Variants in KAZN observed in about 807,000 individuals in gnomAD.
KAZN encodes the protein kazrin.
In KAZN, 40 loss-of-function variants were observed where a neutral mutation model predicts 87.4. That is an observed-to-expected ratio of 0.46 (90% CI 0.36 to 0.60). The LOEUF (loss-of-function observed/expected upper bound fraction) is 0.60. Among genes scored for constraint, KAZN ranks in the 20% least tolerant of loss-of-function variants. KAZN has a pLI of 0.00. For missense variants in KAZN, 898 were observed against 1,073.9 expected, an observed-to-expected ratio of 0.84 and a Z score of 2.29; for synonymous variants, 466 against 458.3, an observed-to-expected ratio of 1.02 and a Z score of -0.22.
At chr1:14,304,317 TAAAGG>T (rs1654769258) in intron 2 of KAZN, among the ~76,000 whole-genome samples, 1 of 152,168 alleles carries the variant, frequency 6.6e-6, no homozygotes, top group Non-Finnish European at 1.5e-5. Flanking sequence ...TTCAAAAACT[TAAAGG>T]GAAGGGTTTT....
chr1:15,103,605 T>G, intron 12 of KAZN, 145 bp downstream of exon 12: 1 of 669,888 alleles, frequency 1.5e-6, no homozygotes, highest in Non-Finnish European at 2.7e-6. Context: ...CAAATTAATA[T>G]CCCCTTTGTG....
intron 1 of KAZN, among the ~76,000 whole-genome samples, chr1:14,676,027 C>T (rs1484046044): frequency 6.6e-6 from 1 of 151,840 alleles, no homozygotes; most frequent in African/African-American, 2.4e-5. Context: ...GAGATGCTGA[C>T]CGGACGTGTT....
At chr1:14,535,993 C>T (rs183993008) in intron 2 of KAZN, among the ~76,000 whole-genome samples, 3 of 152,276 alleles carry the variant, frequency 2.0e-5, no homozygotes, top group Admixed American at 2.0e-4. Flanking sequence ...CTCTCTGGGG[C>T]AGCCAAAGCA....
At chr1:14,556,146 T>C (rs1673857972) in intron 2 of KAZN, among the ~76,000 whole-genome samples, 1 of 150,280 alleles carries the variant, frequency 6.7e-6, no homozygotes, top group Admixed American at 6.7e-5. Flanking sequence ...AGTCTCACTC[T>C]GTCCCCAGGC....
At chr1:14,665,713 C>G (rs1055565536) in intron 1 of KAZN, among the ~76,000 whole-genome samples, 1 of 152,120 alleles carries the variant, frequency 6.6e-6, no homozygotes, top group Admixed American at 6.5e-5. Context: ...AGAGAAAGCC[C>G]GGAGACCATT....
chr1:14,663,041 G>A (rs530743914), intron 1 of KAZN, among the ~76,000 whole-genome samples: 59 of 151,220 alleles, frequency 3.9e-4, no homozygotes, highest in Non-Finnish European at 7.7e-4. Flanking sequence ...CACAATCATA[G>A]CTCACTGTAG....
chr1:15,009,060 GGGGT>G (rs1669322031), intron 2 of KAZN, among the ~76,000 whole-genome samples: 2 of 152,214 alleles, frequency 1.3e-5, no homozygotes, highest in Non-Finnish European at 2.9e-5. Flanking sequence ...CCCGCCCGCT[GGGGT>G]GAGCCAGCAG....
At chr1:13,998,226 T>C (rs1639616011) in intron 1 of KAZN, among the ~76,000 whole-genome samples, 1 of 152,058 alleles carries the variant, frequency 6.6e-6, no homozygotes, top group African/African-American at 2.4e-5. Flanking sequence ...TGAAGGAAGC[T>C]CTAAACATGG....
chr1:14,144,460 A>G (rs556224681), intron 1 of KAZN, among the ~76,000 whole-genome samples: 1 of 150,314 alleles, frequency 6.7e-6, no homozygotes, highest in South Asian at 2.1e-4. Context: ...GTTTATTATT[A>G]TTTTTTTTTG....
chr1:14,240,811 AG>A (rs1648870935), intron 2 of KAZN, among the ~76,000 whole-genome samples: 1 of 152,214 alleles, frequency 6.6e-6, no homozygotes, highest in Admixed American at 6.5e-5. Context: ...CCAGCTTTGT[AG>A]GATTTCAGAA....
intron 2 of KAZN, among the ~76,000 whole-genome samples, chr1:14,591,704 G>C (rs963495068): frequency 1.3e-5 from 2 of 152,198 alleles, no homozygotes; most frequent in Non-Finnish European, 1.5e-5. Flanking sequence ...CCCAGCTTTA[G>C]ATGAGAGATT....
At chr1:14,695,566 C>T (rs548810985) in intron 1 of KAZN, among the ~76,000 whole-genome samples, 7 of 133,954 alleles carry the variant, frequency 5.2e-5, no homozygotes, top group South Asian at 5.1e-4. Context: ...AGTGCAGTGG[C>T]GCAATCTCGG....
At chr1:14,686,987 A>G (rs2148774800) in intron 1 of KAZN, among the ~76,000 whole-genome samples, 1 of 152,184 alleles carries the variant, frequency 6.6e-6, no homozygotes, top group South Asian at 2.1e-4. Flanking sequence ...CTGGGAAACA[A>G]ACCTTTCCCT....
intron 2 of KAZN, among the ~76,000 whole-genome samples, chr1:14,403,304 A>C (rs1002885396): frequency 1.3e-5 from 2 of 152,226 alleles, no homozygotes; most frequent in African/African-American, 4.8e-5. Context: ...ATCAAAACCT[A>C]GATGCAAAAA....
At chr1:14,258,365 G>A (rs561374815) in intron 2 of KAZN, among the ~76,000 whole-genome samples, 207 of 149,098 alleles carry the variant, frequency 1.4e-3, no homozygotes, top group Middle Eastern at 7.0e-3. Context: ...ACAAGTGCCC[G>A]CCACCACGCC....
intron 1 of KAZN, among the ~76,000 whole-genome samples, chr1:13,934,942 A>G (rs865892537): frequency 6.6e-6 from 1 of 152,296 alleles, no homozygotes; most frequent in African/African-American, 2.4e-5. Context: ...TTAGCATAAT[A>G]ATAAGCCTTC....
chr1:14,174,760 T>C (rs1488404696), intron 1 of KAZN, among the ~76,000 whole-genome samples: 3 of 151,904 alleles, frequency 2.0e-5, no homozygotes, highest in African/African-American at 7.3e-5. Context: ...ACTGGAATGA[T>C]AATCTAATAG....
At position 14,391,133 on chromosome 1, in the gene KAZN, A is replaced by G. The variant is rs141870637; in HGVS notation, c.250-207850A>G. On this transcript the variant is annotated intron_variant, in intron 2 of 16. Transcript: ENST00000636203. ...AGAGGCCACTTAGGAGGCAATTATA[A>G]TACCCAGGAATGAGGCCCCAGTGCA... 3.3e-5 allele frequency among the ~76,000 whole-genome samples: 5 copies of G among 152,284 alleles called. No homozygotes were observed. The East Asian group carries it at 9.7e-4, about 30-fold the overall frequency.
chr1:14,214,745 A>T (rs192271950), intron 2 of KAZN, among the ~76,000 whole-genome samples: 14 of 152,264 alleles, frequency 9.2e-5, no homozygotes, highest in Admixed American at 2.6e-4. Flanking sequence ...TACCAAGAGA[A>T]TGAAGACTGT....
Sources: gnomAD v4.1 joint callset for allele counts (sites outside exome capture counted in the v4.1 genomes callset) on GRCh38, gnomAD v4.1.1 for gene constraint, MANE v1.5 for transcripts, NCBI Gene and HGNC (gene_info 2026-07-23, HGNC 2026-07-21) for gene names.